GCH1: variants seen among roughly 807,000 people sequenced by gnomAD.
The protein encoded by GCH1 is GTP cyclohydrolase 1.
Under a neutral mutation model 25.9 loss-of-function variants are expected in GCH1, and 5 were observed. The ratio of observed to expected loss-of-function variants is 0.19; its 90% confidence interval spans 0.10 to 0.41. The LOEUF is 0.41. Ranked by LOEUF, GCH1 falls within the 10% of genes least tolerant of loss-of-function variation. The probability of loss-of-function intolerance (pLI) is 1.00; values close to 1 mark genes in which losing one functional copy is unlikely to be tolerated. For synonymous variants in GCH1, 159 were observed against 129.6 expected, an observed-to-expected ratio of 1.23 and a Z score of -1.54; for missense variants, 261 against 336.5, an observed-to-expected ratio of 0.78 and a Z score of 1.75.
intron 1 of GCH1, among the ~76,000 whole-genome samples, chr14:54,899,442 A>G (rs2140122985): frequency 6.6e-6 from 1 of 152,230 alleles, no homozygotes; most frequent in Admixed American, 6.5e-5. Flanking sequence ...TAGGCAGCAG[A>G]GCCAAACCCT....
chr14:54,872,413 T>C (rs1374787981), intron 1 of GCH1, among the ~76,000 whole-genome samples: 3 of 152,140 alleles, frequency 2.0e-5, no homozygotes, highest in South Asian at 2.1e-4. Context: ...GTAAAGACCA[T>C]TGAGGCTAGG....
At chr14:54,862,226 A>C (rs929254971) in intron 2 of GCH1, among the ~76,000 whole-genome samples, 1 of 152,024 alleles carries the variant, frequency 6.6e-6, no homozygotes, top group Non-Finnish European at 1.5e-5. Context: ...ATTTTGTGGT[A>C]GAGACAGTCT....
chr14:54,864,664 A>C (rs2039965894), intron 2 of GCH1, among the ~76,000 whole-genome samples: 1 of 152,216 alleles, frequency 6.6e-6, no homozygotes, highest in African/African-American at 2.4e-5. Context: ...TGAAAAGAGA[A>C]TAGGCCAGCT....
At chr14:54,872,180 G>A (rs2040089785) in intron 1 of GCH1, among the ~76,000 whole-genome samples, 2 of 152,270 alleles carry the variant, frequency 1.3e-5, no homozygotes, top group African/African-American at 4.8e-5. Flanking sequence ...AGAAGAGAGT[G>A]GGGGCCAATA....
Position 54,864,332 on chromosome 14 carries a change from A to T in GCH1, c.453+995T>A, listed in dbSNP as rs1218980496. 5.9e-5 allele frequency among the ~76,000 whole-genome samples: 9 copies of T among 152,382 alleles called. No homozygotes were observed. In the East Asian group the frequency reaches 1.7e-3, roughly 29 times the overall value. Reference sequence around the variant, plus strand: ...GTTGATGGGTATATAAGTATTCATAACACTGCTTCTTGTAAGTCTTCTGTT... The same window carrying T: ...GTTGATGGGTATATAAGTATTCATATCACTGCTTCTTGTAAGTCTTCTGTT... On this transcript the variant is annotated intron_variant, in intron 2 of 5. Transcript: ENST00000491895.
rs886050554 is a variant in GCH1 at position 54,902,788 on chromosome 14, T to G, written c.-125A>C. ...AGTCACCTGAGGAAGGTACGCAACC[T>G]GCTTAGATCACACTCCGAGCCGGGA... is the stretch of plus-strand genomic sequence containing the variant. On this transcript the variant is annotated 5_prime_UTR_variant, in exon 1 of 6. Coordinates refer to ENST00000491895, the MANE Select transcript of GCH1 (RefSeq NM_000161.3). 429 of 1,210,322 alleles carry G rather than the reference T, an allele frequency of 3.5e-4. 1 individual carries two copies. Among genetic ancestry groups the G allele is most frequent in the Non-Finnish European group, 4.4e-4 (419 of 947,564 alleles). 75.0% of individuals were successfully genotyped at this position (1,210,322 alleles called of 1,614,324 possible). A position where few individuals can be genotyped will look rare whatever the true frequency, so the allele number is the denominator to read the frequency against.
chr14:54,880,754 CCATATA>C (rs1403690625), intron 1 of GCH1, among the ~76,000 whole-genome samples: 1 of 48,732 alleles, frequency 2.1e-5, no homozygotes, highest in African/African-American at 1.2e-4. Flanking sequence ...TATATATACT[CCATATA>C]TATATATATA....
intron 1 of GCH1, among the ~76,000 whole-genome samples, chr14:54,872,324 C>T (rs1188502591): frequency 6.6e-6 from 1 of 152,120 alleles, no homozygotes; most frequent in Non-Finnish European, 1.5e-5. Flanking sequence ...ACCACGCCTG[C>T]CCTACAAGAG....
rs548378527 is a variant in GCH1 at position 54,862,954 on chromosome 14, T to A, written c.453+2373A>T. Among the ~76,000 whole-genome samples, 494 of 152,210 alleles carry A rather than the reference T, an allele frequency of 3.2e-3. 4 individuals carry two copies. Among genetic ancestry groups the A allele is most frequent in the Non-Finnish European group, 3.8e-3 (256 of 68,014 alleles). On this transcript the variant is annotated intron_variant, in intron 2 of 5. Transcript: ENST00000491895. ...TTTAGAACAAAAGGGACTTAACAGG[T>A]ATAACCAAATGCAATGTAAATACAA...
intron 1 of GCH1, among the ~76,000 whole-genome samples, chr14:54,883,844 G>C (rs2040309665): frequency 6.6e-6 from 1 of 152,140 alleles, no homozygotes; most frequent in Admixed American, 6.5e-5. Context: ...GGGTGGGGTG[G>C]AGGCAGAGAC....
chr14:54,901,098 T>C lies in GCH1; in HGVS notation c.343+1223A>G, dbSNP rs2040560043. ...TTGGGGCCCCGTCTCTTTCACATTC[T>C]GATTTCCCACCCTTCCTTTGGGGTG... On this transcript the variant is annotated intron_variant, in intron 1 of 5. Transcript: ENST00000491895. Among the ~76,000 whole-genome samples, 5 of 152,156 alleles carry C rather than the reference T, an allele frequency of 3.3e-5. No individual in the cohort carries two copies. The South Asian group carries it at 1.0e-3, about 31-fold the overall frequency.
chr14:54,899,185 G>T (rs1313644537), intron 1 of GCH1, among the ~76,000 whole-genome samples: 1 of 152,168 alleles, frequency 6.6e-6, no homozygotes, highest in Non-Finnish European at 1.5e-5. Flanking sequence ...AATGGGCTGG[G>T]TATGGTGGCT....
intron 1 of GCH1, among the ~76,000 whole-genome samples, chr14:54,893,871 G>A (rs2040453795): frequency 1.3e-5 from 2 of 152,164 alleles, no homozygotes; most frequent in Non-Finnish European, 1.5e-5. Context: ...AAGTTCCTAT[G>A]CCAAGTGCTC....
intron 3 of GCH1, among the ~76,000 whole-genome samples, chr14:54,854,711 A>C (rs1271151930): frequency 6.6e-6 from 1 of 152,234 alleles, no homozygotes; most frequent in African/African-American, 2.4e-5. Flanking sequence ...TGGAAAAATT[A>C]ATACTGGAGC....
At chr14:54,893,044 A>C (rs1423950342) in intron 1 of GCH1, among the ~76,000 whole-genome samples, 3 of 152,204 alleles carry the variant, frequency 2.0e-5, no homozygotes, top group Non-Finnish European at 4.4e-5. Context: ...ATGCCACCGC[A>C]CTCCAGCCTG....
rs866948938 is a variant in GCH1, at chr14:54,843,360, A to C, written c.*657T>G. On this transcript the variant is annotated 3_prime_UTR_variant, in exon 6 of 6. Coordinates refer to ENST00000491895, the MANE Select transcript of GCH1 (RefSeq NM_000161.3). Reference sequence around the variant, plus strand: ...TGACACGAGAATACACTCGTAAACAACACCAGGAACTAATTCCCTATTCTT... The same window carrying C: ...TGACACGAGAATACACTCGTAAACACCACCAGGAACTAATTCCCTATTCTT... 1.6e-6 allele frequency: 2 copies of C among 1,275,208 alleles called. No individual in the cohort carries two copies. The highest frequency in any genetic ancestry group is 2.0e-6 in the Non-Finnish European group (2 of 1,013,534). 79.0% of individuals were successfully genotyped at this position (1,275,208 alleles called of 1,614,324 possible).
intron 1 of GCH1, among the ~76,000 whole-genome samples, chr14:54,897,128 G>C (rs1453278869): frequency 1.4e-5 from 2 of 146,234 alleles, no homozygotes; most frequent in African/African-American, 5.1e-5. Context: ...TCCTGCCTCA[G>C]CCTCCCAAGT....
chr14:54,871,607 T>C (rs2040079612), intron 1 of GCH1, among the ~76,000 whole-genome samples: 1 of 152,154 alleles, frequency 6.6e-6, no homozygotes, highest in Non-Finnish European at 1.5e-5. Context: ...TTAAAAAAAT[T>C]AGACGAATGG....
intron 1 of GCH1, among the ~76,000 whole-genome samples, chr14:54,878,436 C>T (rs1277908949): frequency 1.3e-5 from 2 of 152,226 alleles, no homozygotes; most frequent in Non-Finnish European, 2.9e-5. Context: ...CACACCTCTG[C>T]TTTTGGCTGG....
Sources: gnomAD v4.1 joint callset for allele counts (sites outside exome capture counted in the v4.1 genomes callset) on GRCh38, gnomAD v4.1.1 for gene constraint, MANE v1.5 for transcripts, NCBI Gene and HGNC (gene_info 2026-07-23, HGNC 2026-07-21) for gene names.